The following CROCC2 variants were observed in gnomAD, a reference collection of about 807,000 sequenced individuals.
The protein encoded by CROCC2 is ciliary rootlet coiled-coil, rootletin family member 2, also known as ciliary rootlet coiled-coil protein 2.
In CROCC2, 163 loss-of-function variants were observed where a neutral mutation model predicts 177.6. The observed-to-expected ratio is 0.92, with a 90% CI of 0.81 to 1.05. CROCC2 has a LOEUF of 1.05. CROCC2 is among the 50% of genes least tolerant of loss of function. The probability of loss-of-function intolerance (pLI) is 0.00; values close to 1 mark genes in which losing one functional copy is unlikely to be tolerated. For synonymous variants in CROCC2, 904 were observed against 787.3 expected (o/e 1.15, Z -2.48); for missense variants, 1,929 against 1,797.8 (o/e 1.07, Z -1.32).
At chr2:240,965,323 C>T (rs2059672970) in intron 22 of CROCC2, 58 bp from the exon 23 acceptor site, 1 of 1,538,780 alleles carries the variant, frequency 6.5e-7, no homozygotes, top group African/African-American at 1.4e-5. Flanking sequence ...GGCAGGGAGG[C>T]TGCCTGGGTT....
At chr2:240,992,417 G>A (rs1390575937) in intron 31 of CROCC2, among the ~76,000 whole-genome samples, 1 of 152,216 alleles carries the variant, frequency 6.6e-6, no homozygotes. Context: ...AGATCACTCT[G>A]GGACTTAAAA....
chr2:240,965,423 G>C lies in CROCC2; in HGVS notation c.3508G>C (p.Ala1170Pro). 2.6e-6 allele frequency: 4 copies of C among 1,549,748 alleles called. No individual in the cohort carries two copies. The highest frequency in any genetic ancestry group is 3.5e-6 in the Non-Finnish European group (4 of 1,146,948). The change falls in exon 23 of 32, where the codon GCC (alanine) becomes CCC (proline). Residue 1170 changes from alanine (A) to proline (P), a missense_variant. Coordinates refer to ENST00000690015, the MANE Select transcript of CROCC2 (RefSeq NM_001351305.2). Reference protein sequence around the residue: ...KAENQRRSGEAHELQAQCSQE... With the variant: ...KAENQRRSGEPHELQAQCSQE... ...CGAGAACCAGAGGAGGAGTGGAGAG[G>C]CCCATGAGCTGCAGGCGCAGTGCTC...
Position 240,946,134 on chromosome 2 carries a change from TC to T in CROCC2, c.2245del (p.Leu749CysfsTer94). 1 of 1,547,300 alleles carries T rather than the reference TC, an allele frequency of 6.5e-7. No individual in the cohort carries two copies. Among genetic ancestry groups the T allele is most frequent in the Non-Finnish European group, 8.7e-7 (1 of 1,144,286 alleles). Reference sequence around the variant, plus strand: ...AGGACCAGGAGGCCCAGATGGGCACTCTGCAGCAAGCCCTGCAAGGAAAGGA... The same window carrying T: ...AGGACCAGGAGGCCCAGATGGGCACTTGCAGCAAGCCCTGCAAGGAAAGGA... ...LQDQEAQMGT[L>X]QQALQGKDAL... On this transcript the variant is annotated frameshift_variant, in exon 15 of 32. Transcript: ENST00000690015. LOFTEE classifies it high-confidence loss of function.
In CROCC2 at chr2:240,922,662, G is replaced by T. The variant is rs1378683162; in HGVS notation, c.488+17G>T. The T allele has an allele frequency of 3.4e-6, 2 of 585,234 alleles. No individual in the cohort carries two copies. Among genetic ancestry groups the T allele is most frequent in the Admixed American group, 5.5e-5 (2 of 36,308 alleles). The allele number at this position is 585,234 out of a possible 1,614,324, so 36.3% of individuals were successfully genotyped here. ...CGAGGAGAGGTGAGGCCAGGTGCGG[G>T]GCAGTCAGGGCTGCAGGAAGCACAG... On this transcript the variant is annotated intron_variant, in intron 4 of 31. Coordinates refer to ENST00000690015, the MANE Select transcript of CROCC2 (RefSeq NM_001351305.2).
At position 240,981,236 on chromosome 2, in the gene CROCC2, T is replaced by G. The variant is rs375477125; in HGVS notation, c.4402-1644T>G. ...GGAGCCCAGGCTCATCCCTGCTCAGTCTCTGGGGTAGGAGCCTCTGGAGCC... is the reference window on the plus strand; with the variant it reads ...GGAGCCCAGGCTCATCCCTGCTCAGGCTCTGGGGTAGGAGCCTCTGGAGCC... On this transcript the variant is annotated intron_variant, in intron 27 of 31. Coordinates refer to ENST00000690015, the MANE Select transcript of CROCC2 (RefSeq NM_001351305.2). Among the ~76,000 whole-genome samples the G allele has an allele frequency of 8.8e-3, 1,209 of 137,084 alleles. 98 individuals carry two copies. The East Asian group carries it at 0.12, about 13-fold the overall frequency. The allele number at this position is 137,084 out of a possible 152,430, so 89.9% of individuals were successfully genotyped here.
intron 14 of CROCC2, among the ~76,000 whole-genome samples, chr2:240,937,077 A>G (rs990096734): frequency 6.6e-6 from 1 of 152,236 alleles, no homozygotes; most frequent in African/African-American, 2.4e-5. Context: ...CAGCTTTCCG[A>G]AAAAGCAGGC....
chr2:240,989,763 C>T lies in CROCC2; in HGVS notation c.4793C>T (p.Pro1598Leu), dbSNP rs999782994. The change falls in exon 30 of 32, where the codon CCG becomes CTG. Residue 1598 changes from proline (P) to leucine (L), a missense_variant. Physicochemically the swap from Pro to Leu is moderately conservative, Grantham distance 98 (BLOSUM62 -3). Around this residue, in one of 3 missense-constraint regions of CROCC2, gnomAD observed 388 missense variants for 352.7 expected, o/e 1.10. Coordinates refer to ENST00000690015, the MANE Select transcript of CROCC2 (RefSeq NM_001351305.2). The stretch of plus-strand genomic sequence containing the variant: ...GCAGAGCGTCTCCATGGGGCCCGGC[C>T]GCAGGCCACGCAGGCCCTGGAGTCC... ...TEAERLHGAR[P>L]QATQALESQE... 19 of 1,550,114 alleles carry T rather than the reference C, an allele frequency of 1.2e-5. No individual in the cohort carries two copies. The highest frequency in any genetic ancestry group is 9.6e-5 in the African/African-American group (7 of 73,180).
At chr2:240,936,422 A>C (rs1363778378) in intron 14 of CROCC2, among the ~76,000 whole-genome samples, 1 of 152,136 alleles carries the variant, frequency 6.6e-6, no homozygotes, top group East Asian at 1.9e-4. Context: ...CGAATTCCTT[A>C]TAAATGGAGC....
At chr2:240,957,020 C>T (rs1166329748) in intron 19 of CROCC2, among the ~76,000 whole-genome samples, 1 of 152,106 alleles carries the variant, frequency 6.6e-6, no homozygotes, top group Non-Finnish European at 1.5e-5. Context: ...GTGTTGAGGT[C>T]GGGGCTGCTG....
chr2:240,989,391 C>G (rs1223973147), intron 29 of CROCC2, among the ~76,000 whole-genome samples: 2 of 152,194 alleles, frequency 1.3e-5, no homozygotes, highest in African/African-American at 2.4e-5. Flanking sequence ...CAAAAGGAAC[C>G]TGGGGTGCCA....
intron 14 of CROCC2, among the ~76,000 whole-genome samples, chr2:240,944,620 ATATTT>A (rs2059512966): frequency 1.3e-5 from 2 of 151,396 alleles, no homozygotes; most frequent in Non-Finnish European, 2.9e-5. Flanking sequence ...TTTGGTTATT[ATATTT>A]TAAATTGTCT....
chr2:240,986,953 G>A (rs138255494), intron 28 of CROCC2, among the ~76,000 whole-genome samples: 2 of 152,322 alleles, frequency 1.3e-5, no homozygotes, highest in African/African-American at 4.8e-5. Flanking sequence ...AGAAGGCCCC[G>A]CAGCCCAGCC....
At chr2:240,969,880 G>A (rs1209815531) in intron 27 of CROCC2, among the ~76,000 whole-genome samples, 1 of 152,020 alleles carries the variant, frequency 6.6e-6, no homozygotes, top group Non-Finnish European at 1.5e-5. Flanking sequence ...ACAGGCACCC[G>A]CCAATACACC....
intron 21 of CROCC2, 74 bp from the exon 22 acceptor site, chr2:240,964,392 G>T (rs2059662744): frequency 1.3e-6 from 2 of 1,525,850 alleles, no homozygotes; most frequent in Non-Finnish European, 8.9e-7. Flanking sequence ...ACTAGGGGAG[G>T]CAGAGACCTG....
At chr2:240,959,524 G>C (rs929295102) in intron 20 of CROCC2, 80 bp downstream of exon 20, 6 of 1,469,214 alleles carry the variant, frequency 4.1e-6, no homozygotes, top group African/African-American at 1.4e-5. Context: ...AGGAGAGAGT[G>C]GGGGTGCCAG....
chr2:240,984,645 T>G (rs1214293976), intron 28 of CROCC2, among the ~76,000 whole-genome samples: 2 of 76,750 alleles, frequency 2.6e-5, no homozygotes, highest in African/African-American at 1.1e-4. Flanking sequence ...AGGCACTCAC[T>G]CCACACACAC....
chr2:240,967,419 G>A lies in CROCC2; in HGVS notation c.4221G>A (p.Gln1407=). 8.4e-7 allele frequency: 1 copy of A among 1,189,528 alleles called. No homozygotes were observed. Among genetic ancestry groups the A allele is most frequent in the Non-Finnish European group, 1.2e-6 (1 of 817,520 alleles). The allele number at this position is 1,189,528 out of a possible 1,614,324, so 73.7% of individuals were successfully genotyped here. The part of the protein sequence containing the change: ...SEAECRCARA[Q]SRVGQLQKAL... ...CAGAGTGCAGGTGTGCCCGGGCCCA[G>A]AGCCGCGTGGGGCAGCTGCAGAAAG... Residue 1407 remains glutamine (Q), a synonymous_variant, in exon 26 of 32, where the codon CAG becomes CAA. Transcript: ENST00000690015.
intron 15 of CROCC2, among the ~76,000 whole-genome samples, chr2:240,947,731 G>T (rs948143295): frequency 1.3e-5 from 2 of 152,188 alleles, no homozygotes; most frequent in African/African-American, 4.8e-5. Flanking sequence ...CGGATCCTCA[G>T]GCCCTGACAA....
Position 240,959,456 on chromosome 2 carries a change from G to A in CROCC2, c.3087+12G>A, listed in dbSNP as rs1420258608. 2 of 1,548,936 alleles carry A rather than the reference G, an allele frequency of 1.3e-6. No homozygotes were observed. The highest frequency in any genetic ancestry group is 1.4e-5 in the African/African-American group (1 of 72,998). On this transcript the variant is annotated intron_variant, in intron 20 of 31. Coordinates refer to ENST00000690015, the MANE Select transcript of CROCC2 (RefSeq NM_001351305.2). ...ATGTGGAGAGAGAGGTGAGAGGCAGGGCTGGGGGGCTCCTGGGGATGCCAG... is the reference window on the plus strand; with the variant it reads ...ATGTGGAGAGAGAGGTGAGAGGCAGAGCTGGGGGGCTCCTGGGGATGCCAG...
Sources: allele counts gnomAD v4.1 joint callset (sites outside exome capture counted in the v4.1 genomes callset), GRCh38; gene constraint gnomAD v4.1.1; regional missense constraint gnomAD v4.1.1; transcripts MANE v1.5; gene names NCBI Gene and HGNC (gene_info 2026-07-23, HGNC 2026-07-21).